Variants in HLCS observed in about 807,000 individuals in gnomAD.
The protein encoded by HLCS is biotin--protein ligase.
In HLCS, 53 loss-of-function variants were observed where a neutral mutation model predicts 75.0. The observed-to-expected ratio is 0.71, with a 90% CI of 0.57 to 0.89. The LOEUF is 0.89. Ranked by LOEUF, HLCS falls within the 40% of genes least tolerant of loss-of-function variation. The pLI is 0.00. For synonymous variants in HLCS, 431 were observed against 428.6 expected, an observed-to-expected ratio of 1.01 and a Z score of -0.07; for missense variants, 966 against 1,074.0, an observed-to-expected ratio of 0.90 and a Z score of 1.41.
At chr21:36,796,755 A>G (rs1287027240) in intron 6 of HLCS, among the ~76,000 whole-genome samples, 2 of 152,246 alleles carry the variant, frequency 1.3e-5, no homozygotes, top group Non-Finnish European at 2.9e-5. Flanking sequence ...ATGTTTATGA[A>G]TAATAACTTC....
chr21:36,875,121 G>A (rs1222385845), intron 6 of HLCS, among the ~76,000 whole-genome samples: 1 of 151,736 alleles, frequency 6.6e-6, no homozygotes, highest in African/African-American at 2.4e-5. Flanking sequence ...ACTTTGTACA[G>A]GCCTGTGGGT....
At chr21:36,890,252 C>G (rs892417628) in intron 6 of HLCS, among the ~76,000 whole-genome samples, 1 of 152,146 alleles carries the variant, frequency 6.6e-6, no homozygotes, top group South Asian at 2.1e-4. Flanking sequence ...TGGAAACAGA[C>G]TAATACACAT....
chr21:36,977,029 A>G (rs1569271369), intron 1 of HLCS, among the ~76,000 whole-genome samples: 1 of 152,052 alleles, frequency 6.6e-6, no homozygotes, highest in African/African-American at 2.4e-5. Context: ...CATTGTGCCT[A>G]TACATAGTAG....
intron 2 of HLCS, among the ~76,000 whole-genome samples, chr21:36,946,848 G>T (rs1569232474): frequency 6.6e-6 from 1 of 152,112 alleles, no homozygotes; most frequent in Non-Finnish European, 1.5e-5. Flanking sequence ...AGAGGGTCAG[G>T]CCCACCCAAT....
chr21:36,874,401 C>CAAAA (rs978044869), intron 6 of HLCS, among the ~76,000 whole-genome samples: 10 of 101,278 alleles, frequency 9.9e-5, no homozygotes, highest in African/African-American at 5.0e-4. Context: ...GACTCCGTCT[C>CAAAA]AAAAAAATAA....
rs536830110 is a variant in HLCS at position 36,765,054 on chromosome 21, G to A, written c.2079C>T (p.Ser693=). 8.1e-6 allele frequency: 13 copies of A among 1,614,176 alleles called. No homozygotes were observed. The highest frequency in any genetic ancestry group is 3.3e-5 in the South Asian group (3 of 91,086). Residue 693 remains serine, a synonymous_variant, in exon 8 of 11, where the codon TCC becomes TCT. Transcript: ENST00000674895. ...QRIPFVQHLM[S]VAVVEAVRSI... ...ACCTCACTGCTTCCACGACAGCCAC[G>A]GACATCAGATGCTGGACAAACGGGA...
intron 1 of HLCS, among the ~76,000 whole-genome samples, chr21:36,989,206 C>T (rs2069290041): frequency 6.7e-6 from 1 of 150,286 alleles, no homozygotes; most frequent in Admixed American, 6.6e-5. Context: ...GAGGGGTTTT[C>T]GCCATGTTGG....
At chr21:36,846,232 T>A (rs2062793759) in intron 6 of HLCS, among the ~76,000 whole-genome samples, 1 of 152,176 alleles carries the variant, frequency 6.6e-6, no homozygotes, top group African/African-American at 2.4e-5. Context: ...AGTAGGCACA[T>A]AATAAATGTT....
intron 6 of HLCS, among the ~76,000 whole-genome samples, chr21:36,896,322 C>T (rs2083093504): frequency 6.6e-6 from 1 of 152,176 alleles, no homozygotes; most frequent in Admixed American, 6.5e-5. Context: ...TGGACTCCAG[C>T]CTGGGTGACA....
At chr21:36,962,254 T>TC (rs1368853317) in intron 1 of HLCS, 84 bp from the exon 2 acceptor site, 43 of 899,086 alleles carry the variant, frequency 4.8e-5, no homozygotes, top group Non-Finnish European at 6.0e-5. Context: ...AAACATACCC[T>TC]CCCCTATAAT....
intron 6 of HLCS, among the ~76,000 whole-genome samples, chr21:36,821,686 T>C (rs1164136606): frequency 6.6e-6 from 1 of 152,254 alleles, no homozygotes; most frequent in Admixed American, 6.5e-5. Context: ...TATTTAAGCA[T>C]GTGTTTAAAG....
intron 6 of HLCS, among the ~76,000 whole-genome samples, chr21:36,846,980 A>G (rs1297414153): frequency 1.3e-5 from 2 of 152,200 alleles, no homozygotes; most frequent in Non-Finnish European, 2.9e-5. Context: ...CAATTTTTGT[A>G]GCCTTTTCAA....
intron 6 of HLCS, among the ~76,000 whole-genome samples, chr21:36,795,161 G>A (rs1190018521): frequency 6.6e-6 from 1 of 152,184 alleles, no homozygotes; most frequent in African/African-American, 2.4e-5. Context: ...AAGGCACCAG[G>A]TTGAGAATTC....
Position 36,752,418 on chromosome 21 carries a change from T to C in HLCS, c.*1828A>G, listed in dbSNP as rs2089403085. 1 of 152,516 alleles carries C rather than the reference T, an allele frequency of 6.6e-6. No individual in the cohort carries two copies. The highest frequency in any genetic ancestry group is 1.5e-5 in the Non-Finnish European group (1 of 68,048). The allele number at this position is 152,516 out of a possible 1,614,324, so 9.4% of individuals were successfully genotyped here. On this transcript the variant is annotated 3_prime_UTR_variant, in exon 11 of 11. Coordinates refer to ENST00000674895, the MANE Select transcript of HLCS (RefSeq NM_001352514.2). ...ACCCCCAAAGAAATTCAAAAAGTGA[T>C]GATGGCAGCTCTGAGAGAGGGCTTG...
chr21:36,966,425 G>GGGCCCCC lies in HLCS; in HGVS notation c.195+18_195+19insGGGGGCC. On this transcript the variant is annotated intron_variant, in intron 1 of 10. Transcript: ENST00000674895. ...CCGGCTCGCGGGGCCCGGGTCGCCC[G>GGGCCCCC]CCCGCCCGACCCGCCCACCTGGCTG... is the stretch of plus-strand genomic sequence containing the variant. 5.1e-5 allele frequency: 10 copies of GGGCCCCC among 195,438 alleles called. No homozygotes were observed. Among genetic ancestry groups the GGGCCCCC allele is most frequent in the Non-Finnish European group, 8.6e-5 (10 of 116,690 alleles). 12.1% of individuals were successfully genotyped at this position (195,438 alleles called of 1,614,324 possible).
intron 6 of HLCS, among the ~76,000 whole-genome samples, chr21:36,793,293 G>GTTTTTTTTTTTTT (rs1569018321): frequency 3.0e-4 from 33 of 108,480 alleles, no homozygotes; most frequent in East Asian, 1.1e-3. Context: ...GCAGGAAGCA[G>GTTTTTTTTTTTTT]TCTTTTTTTT....
intron 6 of HLCS, among the ~76,000 whole-genome samples, chr21:36,839,362 G>A (rs1162323547): frequency 1.4e-5 from 2 of 142,500 alleles, no homozygotes; most frequent in Non-Finnish European, 3.2e-5. Context: ...CATGCTAGGA[G>A]GTAGCCTGGG....
intron 6 of HLCS, among the ~76,000 whole-genome samples, chr21:36,881,292 A>G (rs953322554): frequency 6.6e-6 from 1 of 152,022 alleles, no homozygotes; most frequent in Non-Finnish European, 1.5e-5. Flanking sequence ...TTCTTCTCGG[A>G]TATCACTCAG....
intron 6 of HLCS, among the ~76,000 whole-genome samples, chr21:36,803,019 C>G (rs577630549): frequency 7.2e-5 from 11 of 152,270 alleles, no homozygotes; most frequent in Middle Eastern, 3.4e-3. Flanking sequence ...AAACTCTGGG[C>G]GATCAGGGTC....
Sources: allele counts gnomAD v4.1 joint callset (sites outside exome capture counted in the v4.1 genomes callset), GRCh38; gene constraint gnomAD v4.1.1; transcripts MANE v1.5; gene names NCBI Gene and HGNC (gene_info 2026-07-23, HGNC 2026-07-21).